The following TAFA1 variants were observed in gnomAD, a reference collection of about 807,000 sequenced individuals.
TAFA1 encodes the protein TAFA chemokine like family member 1, also known as chemokine-like protein TAFA-1.
Under a neutral mutation model 18.5 loss-of-function variants are expected in TAFA1, and 4 were observed. The ratio of observed to expected loss-of-function variants is 0.22; its 90% confidence interval spans 0.11 to 0.49. TAFA1 has a LOEUF of 0.49. Ranked by LOEUF, TAFA1 falls within the 20% of genes least tolerant of loss-of-function variation. The pLI, the probability that TAFA1 is intolerant of heterozygous loss-of-function variation, is 0.98. For synonymous variants in TAFA1, 56 were observed against 55.2 expected (o/e 1.01, Z -0.06); for missense variants, 147 against 169.0 (o/e 0.87, Z 0.72).
At chr3:68,431,952 G>T (rs996089460) in intron 3 of TAFA1, among the ~76,000 whole-genome samples, 1 of 151,836 alleles carries the variant, frequency 6.6e-6, no homozygotes, top group Non-Finnish European at 1.5e-5. Flanking sequence ...CATGACTGGG[G>T]GCTACATACA....
chr3:68,501,238 C>T (rs529716998), intron 3 of TAFA1, among the ~76,000 whole-genome samples: 3 of 147,732 alleles, frequency 2.0e-5, no homozygotes, highest in Admixed American at 2.0e-4. Context: ...GATCTTTTTA[C>T]TCTTAATTCT....
chr3:68,004,558 T>C lies in TAFA1; in HGVS notation c.-148T>C, dbSNP rs200797756. 3 of 18,708 alleles carry C rather than the reference T, an allele frequency of 1.6e-4. No homozygotes were observed. In the East Asian group the frequency reaches 5.8e-3, roughly 36 times the overall value. The allele number at this position is 18,708 out of a possible 1,614,324, so 1.2% of individuals were successfully genotyped here. On this transcript the variant is annotated 5_prime_UTR_variant, in exon 1 of 5. Coordinates refer to ENST00000478136, the MANE Select transcript of TAFA1 (RefSeq NM_213609.4). ...AATAGGATCGGAAGAGAGTAACATT[T>C]TTTTTTTTTTAATCCTGATAAAGAA...
At chr3:68,144,092 C>A (rs2065705632) in intron 2 of TAFA1, among the ~76,000 whole-genome samples, 1 of 151,828 alleles carries the variant, frequency 6.6e-6, no homozygotes, top group Non-Finnish European at 1.5e-5. Flanking sequence ...AATTTAAGGG[C>A]CGTGGGAAAA....
intron 3 of TAFA1, among the ~76,000 whole-genome samples, chr3:68,423,438 G>T (rs2070995992): frequency 6.6e-6 from 1 of 152,062 alleles, no homozygotes; most frequent in South Asian, 2.1e-4. Context: ...TCAAGCATAG[G>T]CAAACTCTTA....
chr3:68,289,892 G>C (rs1354592671), intron 2 of TAFA1, among the ~76,000 whole-genome samples: 1 of 152,204 alleles, frequency 6.6e-6, no homozygotes, highest in Non-Finnish European at 1.5e-5. Context: ...AATCATTTAA[G>C]TGGAAATGAA....
chr3:68,243,753 A>G (rs956356920), intron 2 of TAFA1, among the ~76,000 whole-genome samples: 7 of 152,172 alleles, frequency 4.6e-5, no homozygotes, highest in African/African-American at 1.4e-4. Flanking sequence ...TAAAGAGACC[A>G]TGGACATTCT....
intron 3 of TAFA1, among the ~76,000 whole-genome samples, chr3:68,457,379 A>C (rs2071684846): frequency 6.6e-6 from 1 of 152,214 alleles, no homozygotes; most frequent in African/African-American, 2.4e-5. Flanking sequence ...TATGTTATGC[A>C]TTCATGACAT....
intron 2 of TAFA1, among the ~76,000 whole-genome samples, chr3:68,082,680 T>C (rs1478947372): frequency 6.6e-6 from 1 of 152,178 alleles, no homozygotes; most frequent in African/African-American, 2.4e-5. Flanking sequence ...ATGAGTTTAG[T>C]TTTATATTGT....
At chr3:68,021,311 T>C (rs1559705329) in intron 2 of TAFA1, among the ~76,000 whole-genome samples, 3 of 149,900 alleles carry the variant, frequency 2.0e-5, no homozygotes, top group Non-Finnish European at 4.4e-5. Flanking sequence ...AGGGAAATAA[T>C]CCAAAAGTTA....
In TAFA1 at chr3:68,006,596, A is replaced by G. The variant is rs1190315248; in HGVS notation, c.-3-28A>G. The G allele has an allele frequency of 2.0e-6, 3 of 1,528,864 alleles. No homozygotes were observed. The South Asian group carries it at 3.4e-5, about 17-fold the overall frequency. 94.7% of individuals were successfully genotyped at this position (1,528,864 alleles called of 1,614,324 possible). On this transcript the variant is annotated intron_variant, in intron 1 of 4. Coordinates refer to ENST00000478136, the MANE Select transcript of TAFA1 (RefSeq NM_213609.4). ...GAGCTGGGGGCTTGAAGCCGGAGGT[A>G]ACCTTTCCTGTCGAATGTTCTCTTT...
Position 68,283,200 on chromosome 3 carries a change from C to T in TAFA1, c.119-134080C>T, listed in dbSNP as rs539939654. ...GCACACAAGCAGGAATGCTTGAGGC[C>T]ATTCTGCTATACTTCCTCACCCTAG... On this transcript the variant is annotated intron_variant, in intron 2 of 4. Coordinates refer to ENST00000478136, the MANE Select transcript of TAFA1 (RefSeq NM_213609.4). Among the ~76,000 whole-genome samples, 11 of 152,230 alleles carry T rather than the reference C, an allele frequency of 7.2e-5. No homozygotes were observed. The South Asian group carries it at 2.3e-3, about 32-fold the overall frequency.
chr3:68,519,883 G>A (rs2072991496), intron 3 of TAFA1, among the ~76,000 whole-genome samples: 2 of 152,160 alleles, frequency 1.3e-5, no homozygotes, highest in African/African-American at 4.8e-5. Flanking sequence ...ATTTTGGGAG[G>A]ACACAAACAT....
intron 3 of TAFA1, among the ~76,000 whole-genome samples, chr3:68,428,876 T>C (rs59599693): frequency 0.027 from 4,082 of 152,066 alleles, 174 homozygotes; most frequent in African/African-American, 0.091. Context: ...TTGGTGCCTA[T>C]GCACTAATTT....
chr3:68,484,160 T>C (rs1363564348), intron 3 of TAFA1, among the ~76,000 whole-genome samples: 2 of 152,246 alleles, frequency 1.3e-5, no homozygotes, highest in Non-Finnish European at 2.9e-5. Flanking sequence ...ATTAACGAGT[T>C]ATTTTACATT....
chr3:68,516,036 A>G (rs1449924082), intron 3 of TAFA1, among the ~76,000 whole-genome samples: 1 of 152,238 alleles, frequency 6.6e-6, no homozygotes, highest in Admixed American at 6.5e-5. Flanking sequence ...AAAAGCAGAT[A>G]TATTGGTCTC....
intron 2 of TAFA1, among the ~76,000 whole-genome samples, chr3:68,177,309 G>T (rs1371707360): frequency 6.6e-6 from 1 of 152,142 alleles, no homozygotes; most frequent in Non-Finnish European, 1.5e-5. Flanking sequence ...GAGAAGTTTA[G>T]AACCAGCTCT....
chr3:68,244,398 T>C (rs2067039507), intron 2 of TAFA1, among the ~76,000 whole-genome samples: 1 of 152,226 alleles, frequency 6.6e-6, no homozygotes. Context: ...TTTAGATTTA[T>C]GACCATGATC....
intron 2 of TAFA1, among the ~76,000 whole-genome samples, chr3:68,293,155 G>A (rs1159033588): frequency 6.6e-6 from 1 of 152,158 alleles, no homozygotes; most frequent in Non-Finnish European, 1.5e-5. Flanking sequence ...TAGTTGATGA[G>A]ATGCTTTAAT....
chr3:68,072,765 C>A (rs77760871), intron 2 of TAFA1, among the ~76,000 whole-genome samples: 3 of 151,918 alleles, frequency 2.0e-5, no homozygotes, highest in East Asian at 3.9e-4. Flanking sequence ...TGTGGGGTGT[C>A]CCCAGAGGGA....
Sources: gnomAD v4.1 joint callset for allele counts (sites outside exome capture counted in the v4.1 genomes callset) on GRCh38, gnomAD v4.1.1 for gene constraint, MANE v1.5 for transcripts, NCBI Gene and HGNC (gene_info 2026-07-23, HGNC 2026-07-21) for gene names.